Variants in FAAH2 observed in about 807,000 individuals in gnomAD.
FAAH2 encodes the protein fatty acid amide hydrolase 2.
In FAAH2, 60 loss-of-function variants were observed where a neutral mutation model predicts 36.9. The observed-to-expected ratio is 1.63, with a 90% CI of 1.32 to 2.02. FAAH2 has a LOEUF of 2.02. Among genes scored for constraint, FAAH2 ranks in the 30% most tolerant of loss-of-function variants. The probability of loss-of-function intolerance (pLI) is 0.00; values close to 1 mark genes in which losing one functional copy is unlikely to be tolerated. For synonymous variants in FAAH2, 214 were observed against 143.8 expected, an observed-to-expected ratio of 1.49 and a Z score of -3.49; for missense variants, 689 against 397.5, an observed-to-expected ratio of 1.73 and a Z score of -6.23.
At chrX:57,243,876 C>A in the FAAH2 span, among the ~76,000 whole-genome samples, 1 of 109,951 alleles carries the variant, frequency 9.1e-6, no homozygotes, top group African/African-American at 3.3e-5. Flanking sequence ...AGCAAGGGAA[C>A]AAAACTGAAC....
At chrX:57,198,267 A>G in the FAAH2 span, among the ~76,000 whole-genome samples, 49,132 of 110,391 alleles carry the variant, frequency 0.45, 10,915 homozygotes, top group African/African-American at 0.86. Flanking sequence ...GATGAGGATG[A>G]GGCTGTGATT....
At chrX:57,431,845 T>G in intron 7 of FAAH2, 73 bp from the exon 8 acceptor site, 1 of 922,511 alleles carries the variant, frequency 1.1e-6, no homozygotes, top group Middle Eastern at 3.1e-4. Flanking sequence ...TCTGCCATCT[T>G]GCTGATGTCA....
the FAAH2 span, among the ~76,000 whole-genome samples, chrX:57,220,511 A>G: frequency 0.071 from 7,953 of 111,547 alleles, 707 homozygotes; most frequent in African/African-American, 0.25. Context: ...CTCAAGCTCC[A>G]GAAGCTTGAC....
chrX:57,331,831 C>T (rs2053416934), intron 4 of FAAH2, 24 bp downstream of exon 4: 1 of 1,132,572 alleles, frequency 8.8e-7, no homozygotes, highest in Non-Finnish European at 1.2e-6. Flanking sequence ...TTTAGTATGG[C>T]ATGAATAGCT....
chrX:57,478,363 G>C (rs2057311480), intron 10 of FAAH2, among the ~76,000 whole-genome samples: 2 of 110,837 alleles, frequency 1.8e-5, no homozygotes, highest in South Asian at 7.6e-4. Context: ...AAATTTGTTT[G>C]AGTTCATTGT....
the FAAH2 span, among the ~76,000 whole-genome samples, chrX:57,277,193 C>T: frequency 7.2e-5 from 8 of 111,567 alleles, no homozygotes; most frequent in South Asian, 3.8e-4. Context: ...ACTGGCAAAC[C>T]GATTCCAGCA....
At chrX:57,255,862 G>T in the FAAH2 span, among the ~76,000 whole-genome samples, 2 of 111,615 alleles carry the variant, frequency 1.8e-5, no homozygotes, top group East Asian at 5.6e-4. Flanking sequence ...TGGAAAACTG[G>T]CACAAGAAAA....
chrX:57,189,199 C>T, the FAAH2 span, among the ~76,000 whole-genome samples: 1 of 110,578 alleles, frequency 9.0e-6, no homozygotes, highest in East Asian at 2.9e-4. Context: ...CTTGTGTAGG[C>T]TTCATGACAT....
intron 7 of FAAH2, chrX:57,395,300 G>A: frequency 1.5e-6 from 1 of 649,916 alleles, no homozygotes; most frequent in Non-Finnish European, 2.5e-6. Flanking sequence ...ATATTGCCAG[G>A]CCTGGTGTGA....
chrX:57,262,677 C>A, the FAAH2 span, among the ~76,000 whole-genome samples: 3 of 111,339 alleles, frequency 2.7e-5, no homozygotes, highest in Non-Finnish European at 5.7e-5. Flanking sequence ...AAATCTCAGA[C>A]TAATAGCTCT....
chrX:57,374,520 A>G (rs976497476), intron 5 of FAAH2, among the ~76,000 whole-genome samples: 1 of 111,642 alleles, frequency 9.0e-6, no homozygotes, highest in African/African-American at 3.2e-5. Flanking sequence ...CTTGGTCGCT[A>G]TTGTATAGCA....
intron 7 of FAAH2, among the ~76,000 whole-genome samples, chrX:57,391,691 T>G (rs1174685558): frequency 9.0e-6 from 1 of 111,453 alleles, no homozygotes; most frequent in African/African-American, 3.2e-5. Flanking sequence ...ATGTCTCCAT[T>G]TTTTTACCAT....
At chrX:57,475,277 T>C (rs2057246172) in intron 10 of FAAH2, among the ~76,000 whole-genome samples, 2 of 112,027 alleles carry the variant, frequency 1.8e-5, no homozygotes, top group Admixed American at 1.9e-4. Flanking sequence ...CCCATGCCTA[T>C]GTCCAGAATG....
chrX:57,199,271 G>A, the FAAH2 span, among the ~76,000 whole-genome samples: 2 of 109,908 alleles, frequency 1.8e-5, no homozygotes, highest in Non-Finnish European at 3.8e-5. Flanking sequence ...CATAGGTCTT[G>A]GTATGTTGTG....
intron 10 of FAAH2, among the ~76,000 whole-genome samples, chrX:57,464,518 C>CAAAA (rs5902566): frequency 1.6e-5 from 1 of 60,977 alleles, no homozygotes; most frequent in Non-Finnish European, 2.9e-5. Flanking sequence ...ATAGCAATTG[C>CAAAA]AAAAAAAAAA....
At chrX:57,389,844 C>G (rs1227173081) in intron 7 of FAAH2, among the ~76,000 whole-genome samples, 1 of 110,548 alleles carries the variant, frequency 9.0e-6, no homozygotes, top group Non-Finnish European at 1.9e-5. Flanking sequence ...TCTCCCTGTC[C>G]TCACCAACAC....
intron 8 of FAAH2, among the ~76,000 whole-genome samples, chrX:57,437,873 A>G (rs921725019): frequency 2.9e-5 from 3 of 103,260 alleles, no homozygotes; most frequent in South Asian, 4.0e-4. Context: ...ATATATCTGT[A>G]TACATATATA....
chrX:57,347,604 GTTTTTTTTT>G (rs61323098), intron 5 of FAAH2, among the ~76,000 whole-genome samples: 1,368 of 77,843 alleles, frequency 0.018, 118 homozygotes, highest in African/African-American at 0.058. Context: ...GGGATGCTAA[GTTTTTTTTT>G]TTTTTTTTTT....
In FAAH2 at chrX:57,316,474, T is replaced by C. The variant is rs754286211; in HGVS notation, c.412+5745T>C. On this transcript the variant is annotated intron_variant, in intron 3 of 10. Coordinates refer to ENST00000374900, the MANE Select transcript of FAAH2 (RefSeq NM_174912.4). ...TATCACACTACCCCACTTAAAACTA[T>C]ATTATAAAGCTACAGTCACCAAAAC... Among the ~76,000 whole-genome samples the C allele has an allele frequency of 2.7e-5, 3 of 111,884 alleles. No homozygotes were observed. The South Asian group carries it at 1.1e-3, about 41-fold the overall frequency.
Sources: gnomAD v4.1 joint callset for allele counts (sites outside exome capture counted in the v4.1 genomes callset) on GRCh38, gnomAD v4.1.1 for gene constraint, MANE v1.5 for transcripts, NCBI Gene and HGNC (gene_info 2026-07-23, HGNC 2026-07-21) for gene names.